HIVEP3: variants seen among roughly 807,000 people sequenced by gnomAD.
HIVEP3 encodes the protein HIVEP zinc finger 3.
A neutral mutation model predicts 152.8 loss-of-function variants in HIVEP3; 49 were observed. The observed-to-expected ratio is 0.32, with a 90% confidence interval of 0.26 to 0.41. The LOEUF (loss-of-function observed/expected upper bound fraction) is 0.41, where lower values mean the gene tolerates loss of function less well. Ranked by LOEUF, HIVEP3 falls within the 10% of genes least tolerant of loss-of-function variation. The pLI, the probability that HIVEP3 is intolerant of heterozygous loss-of-function variation, is 1.00. For synonymous variants in HIVEP3, 1,269 were observed against 1,289.0 expected (o/e 0.98, Z 0.33); for missense variants, 2,790 against 3,103.3 (o/e 0.90, Z 2.40).
intron 1 of HIVEP3, among the ~76,000 whole-genome samples, chr1:41,938,174 C>T (rs749213513): frequency 3.9e-5 from 6 of 152,180 alleles, no homozygotes; most frequent in Non-Finnish European, 8.8e-5. Context: ...TTCCTGACCA[C>T]TCTATTTTGA....
At chr1:41,753,518 A>C (rs1234665546) in intron 1 of HIVEP3, among the ~76,000 whole-genome samples, 1 of 151,970 alleles carries the variant, frequency 6.6e-6, no homozygotes, top group Non-Finnish European at 1.5e-5. Flanking sequence ...AAATACAAAA[A>C]TTATCCGGGT....
Position 41,584,597 on chromosome 1 carries a change from C to A in HIVEP3, c.201G>T (p.Arg67Ser). 1 of 1,613,532 alleles carries A rather than the reference C, an allele frequency of 6.2e-7. No individual in the cohort carries two copies. The highest frequency in any genetic ancestry group is 1.7e-4 in the Middle Eastern group (1 of 6,060). ...QPFPGPSSVL[R>S]EGSQEKTGQQ... ...GGCCCGTTTTCTCCTGAGAGCCTTC[C>A]CTAAGAACTGATGAGGGGCCCGGGA... Residue 67 changes from arginine to serine, a missense_variant, in exon 4 of 9, where the codon AGG (arginine) becomes AGT (serine). Around this residue, in one of 9 missense-constraint regions of HIVEP3, gnomAD observed 209 missense variants for 237.0 expected, o/e 0.88. Transcript: ENST00000372583. The surrounding 1 kb of genome is among the most constrained non-coding windows in gnomAD (Gnocchi z 5.2).
intron 1 of HIVEP3, among the ~76,000 whole-genome samples, chr1:41,739,502 A>G (rs1244279211): frequency 1.3e-5 from 2 of 152,120 alleles, no homozygotes; most frequent in Non-Finnish European, 2.9e-5. Flanking sequence ...TGCAGATGGG[A>G]ACACCGAGAC....
chr1:41,514,452 C>T (rs548531513), intron 7 of HIVEP3, among the ~76,000 whole-genome samples: 62 of 152,380 alleles, frequency 4.1e-4, no homozygotes, highest in African/African-American at 1.4e-3. Context: ...ACATCTGCCA[C>T]GGTGACCAGG....
In HIVEP3 at chr1:41,802,395, CAT is replaced by C. The variant is rs1425569155; in HGVS notation, c.-800-101402_-800-101401del. ...CACACCTGGCTAACTTTTTATTTTT[CAT>C]AGAGATGGGGGTCTCCTGATATTGC... On this transcript the variant is annotated intron_variant, in intron 1 of 8. Transcript: ENST00000372583. Among the ~76,000 whole-genome samples the C allele has an allele frequency of 4.6e-5, 7 of 152,046 alleles. No homozygotes were observed. The East Asian group carries it at 1.4e-3, about 29-fold the overall frequency.
intron 1 of HIVEP3, among the ~76,000 whole-genome samples, chr1:41,887,095 G>A (rs1386340420): frequency 6.6e-6 from 1 of 152,170 alleles, no homozygotes; most frequent in African/African-American, 2.4e-5. Context: ...TGTCAGTCAT[G>A]CTAGAAGAAA....
In HIVEP3 at chr1:41,726,722, T is replaced by C. The variant is rs114660240; in HGVS notation, c.-800-25727A>G. 5.6e-3 allele frequency among the ~76,000 whole-genome samples: 845 copies of C among 152,192 alleles called. 10 individuals are homozygous for C. The highest frequency in any genetic ancestry group is 0.02 in the African/African-American group (816 of 41,528). On this transcript the variant is annotated intron_variant, in intron 1 of 8. Coordinates refer to ENST00000372583, the MANE Select transcript of HIVEP3 (RefSeq NM_024503.5). ...CAATAGGAGAGAGGAGATCAGTTCT[T>C]TTGGGGAAGGTCAAAGATAGAGGAC...
At chr1:41,521,482 G>A (rs1642758858) in intron 6 of HIVEP3, among the ~76,000 whole-genome samples, 1 of 152,226 alleles carries the variant, frequency 6.6e-6, no homozygotes, top group Non-Finnish European at 1.5e-5. Context: ...GCAGCCCTGA[G>A]TGCTGTCCGG....
intron 1 of HIVEP3, among the ~76,000 whole-genome samples, chr1:41,817,063 A>G (rs930237085): frequency 6.6e-6 from 1 of 152,252 alleles, no homozygotes; most frequent in Non-Finnish European, 1.5e-5. Flanking sequence ...AATGAAGAGC[A>G]GGGATTACAT....
intron 1 of HIVEP3, among the ~76,000 whole-genome samples, chr1:41,817,424 G>A (rs144615195): frequency 6.6e-6 from 1 of 152,130 alleles, no homozygotes; most frequent in Non-Finnish European, 1.5e-5. Flanking sequence ...GGCAGAAAAC[G>A]GGGTGGAAGT....
chr1:42,033,573 T>G (rs2124542278), intron 1 of HIVEP3, among the ~76,000 whole-genome samples: 1 of 152,314 alleles, frequency 6.6e-6, no homozygotes, highest in East Asian at 1.9e-4. Flanking sequence ...CCTAAGGTAG[T>G]AAGGCTAATT....
rs947179241 is a variant in HIVEP3, at chr1:41,785,867, G to C, written c.-800-84872C>G. Among the ~76,000 whole-genome samples the C allele has an allele frequency of 7.9e-5, 12 of 152,258 alleles. No homozygotes were observed. In the East Asian group the frequency reaches 2.3e-3, roughly 29 times the overall value. On this transcript the variant is annotated intron_variant, in intron 1 of 8. Coordinates refer to ENST00000372583, the MANE Select transcript of HIVEP3 (RefSeq NM_024503.5). ...CAAAATTAGCTGGGCATGGTGGCAGGTGCCTGTAATCCCAGTTACTCAGGA... is the reference window on the plus strand; with the variant it reads ...CAAAATTAGCTGGGCATGGTGGCAGCTGCCTGTAATCCCAGTTACTCAGGA...
At chr1:41,596,202 CT>C (rs1408512491) in intron 3 of HIVEP3, among the ~76,000 whole-genome samples, 4 of 152,164 alleles carry the variant, frequency 2.6e-5, no homozygotes, top group Non-Finnish European at 5.9e-5. Context: ...AGCAGATCTT[CT>C]AACAGAGCTG....
At chr1:41,957,349 T>C (rs762904106) in intron 1 of HIVEP3, among the ~76,000 whole-genome samples, 2 of 152,248 alleles carry the variant, frequency 1.3e-5, no homozygotes, top group Non-Finnish European at 2.9e-5. Context: ...TCTAAGACAC[T>C]GCTAAACAAG....
chr1:41,667,681 C>T (rs995917771), intron 2 of HIVEP3, among the ~76,000 whole-genome samples: 1 of 152,226 alleles, frequency 6.6e-6, no homozygotes, highest in Non-Finnish European at 1.5e-5. Context: ...GGTGCATGTC[C>T]TGGTCCTGAC....
At chr1:41,824,725 A>C (rs993824712) in intron 1 of HIVEP3, among the ~76,000 whole-genome samples, 2 of 144,498 alleles carry the variant, frequency 1.4e-5, no homozygotes, top group Non-Finnish European at 3.0e-5. Flanking sequence ...CCAGATACCA[A>C]GCCCTGTTCC....
intron 5 of HIVEP3, among the ~76,000 whole-genome samples, chr1:41,529,731 G>C (rs2810551): frequency 7.6e-6 from 1 of 131,458 alleles, no homozygotes; most frequent in Admixed American, 7.9e-5. Context: ...ACATACACAC[G>C]CCACCCTCAC....
chr1:42,028,859 A>AT (rs1470634872), intron 1 of HIVEP3, among the ~76,000 whole-genome samples: 1 of 152,228 alleles, frequency 6.6e-6, no homozygotes, highest in Non-Finnish European at 1.5e-5. Flanking sequence ...AGGGTGGGGA[A>AT]TATGGCAAAC....
intron 1 of HIVEP3, among the ~76,000 whole-genome samples, chr1:42,019,003 T>C (rs926106310): frequency 3.3e-5 from 5 of 152,092 alleles, no homozygotes; most frequent in Non-Finnish European, 7.4e-5. Flanking sequence ...TGTCTGTTTT[T>C]ATCTTGTTAA....
Sources: gnomAD v4.1 joint callset for allele counts (sites outside exome capture counted in the v4.1 genomes callset) on GRCh38, gnomAD v4.1.1 for gene constraint, gnomAD v4.1.1 regional missense constraint, Gnocchi (gnomAD v3.1) non-coding constraint, MANE v1.5 for transcripts, NCBI Gene and HGNC (gene_info 2026-07-23, HGNC 2026-07-21) for gene names.